Variants in COL23A1 observed in about 807,000 individuals in gnomAD.
COL23A1 encodes the protein collagen type XXIII alpha 1 chain.
A neutral mutation model predicts 99.3 loss-of-function variants in COL23A1; 97 were observed. The observed-to-expected ratio is 0.98, with a 90% CI of 0.83 to 1.16. The LOEUF (loss-of-function observed/expected upper bound fraction) is 1.16. Ranked by LOEUF, COL23A1 falls within the 50% of genes most tolerant of loss-of-function variation. The pLI is 0.00. For synonymous variants in COL23A1, 320 were observed against 308.2 expected, an observed-to-expected ratio of 1.04 and a Z score of -0.40; for missense variants, 762 against 757.4, an observed-to-expected ratio of 1.01 and a Z score of -0.07.
chr5:178,578,099 ACGCC>A, intron 1 of COL23A1, among the ~76,000 whole-genome samples: 1 of 150,320 alleles, frequency 6.7e-6, no homozygotes, highest in African/African-American at 2.5e-5. Context: ...ATGCATGCAC[ACGCC>A]CACATGCACA....
At chr5:178,545,281 C>T (rs1761520273) in intron 2 of COL23A1, among the ~76,000 whole-genome samples, 1 of 152,126 alleles carries the variant, frequency 6.6e-6, no homozygotes, top group African/African-American at 2.4e-5. Flanking sequence ...CAGGCTACGG[C>T]ACTTTGAGCC....
chr5:178,242,649 T>A (rs1467034671), intron 25 of COL23A1, among the ~76,000 whole-genome samples: 2 of 152,208 alleles, frequency 1.3e-5, no homozygotes, highest in Non-Finnish European at 2.9e-5. Context: ...GCAGAGCTGC[T>A]GGCAAGGGGC....
chr5:178,515,596 C>T (rs1313837133), intron 2 of COL23A1, among the ~76,000 whole-genome samples: 1 of 152,194 alleles, frequency 6.6e-6, no homozygotes, highest in Admixed American at 6.5e-5. Flanking sequence ...CCCAGGAAAA[C>T]AGAAGGCCTT....
At chr5:178,249,078 C>T in intron 19 of COL23A1, 39 bp downstream of exon 19, 1 of 1,601,506 alleles carries the variant, frequency 6.2e-7, no homozygotes, top group Non-Finnish European at 8.6e-7. Flanking sequence ...AGGGCTTCCA[C>T]ACAGGAGGCG....
intron 2 of COL23A1, among the ~76,000 whole-genome samples, chr5:178,349,478 C>T (rs1010005703): frequency 6.6e-5 from 10 of 150,816 alleles, no homozygotes; most frequent in Admixed American, 2.6e-4. Context: ...TGGTCCCCTC[C>T]GGCCCTCCGC....
chr5:178,492,682 T>A (rs543590164), intron 2 of COL23A1, among the ~76,000 whole-genome samples: 5 of 151,694 alleles, frequency 3.3e-5, no homozygotes, highest in African/African-American at 1.2e-4. Flanking sequence ...ACATCTCGTA[T>A]GACTCCACGT....
intron 2 of COL23A1, among the ~76,000 whole-genome samples, chr5:178,383,394 C>T (rs1447482301): frequency 6.6e-6 from 1 of 152,230 alleles, no homozygotes; most frequent in East Asian, 1.9e-4. Flanking sequence ...GGACAAGTCC[C>T]CTTAAGGGGT....
At chr5:178,298,105 C>T (rs538250674) in intron 3 of COL23A1, among the ~76,000 whole-genome samples, 1 of 151,146 alleles carries the variant, frequency 6.6e-6, no homozygotes, top group South Asian at 2.1e-4. Flanking sequence ...TAGGATGGTT[C>T]CACTGACTTT....
chr5:178,473,726 A>G (rs937632064), intron 2 of COL23A1, among the ~76,000 whole-genome samples: 7 of 152,104 alleles, frequency 4.6e-5, no homozygotes, highest in African/African-American at 1.7e-4. Context: ...ACCTATGATC[A>G]GCCTTACCCT....
chr5:178,588,181 T>C (rs551481834), intron 1 of COL23A1, among the ~76,000 whole-genome samples: 11 of 152,162 alleles, frequency 7.2e-5, no homozygotes, highest in Non-Finnish European at 1.5e-4. Context: ...TCAAGCACTG[T>C]AGTTCACCCA....
intron 2 of COL23A1, among the ~76,000 whole-genome samples, chr5:178,381,090 T>C (rs1259189038): frequency 1.3e-5 from 2 of 152,232 alleles, no homozygotes; most frequent in African/African-American, 4.8e-5. Context: ...CTAGAGGGTC[T>C]GGCATGGCCA....
chr5:178,553,882 C>T (rs1476446629), intron 2 of COL23A1, among the ~76,000 whole-genome samples: 1 of 152,190 alleles, frequency 6.6e-6, no homozygotes, highest in Non-Finnish European at 1.5e-5. Flanking sequence ...TCTCTGGCAG[C>T]TCCCGACTGA....
chr5:178,360,046 G>C (rs532552821), intron 2 of COL23A1, among the ~76,000 whole-genome samples: 1 of 152,254 alleles, frequency 6.6e-6, no homozygotes, highest in African/African-American at 2.4e-5. Flanking sequence ...GTCTTTGGGG[G>C]CAACTCCCAC....
intron 2 of COL23A1, among the ~76,000 whole-genome samples, chr5:178,476,383 A>G (rs1170808327): frequency 2.0e-5 from 3 of 152,052 alleles, no homozygotes; most frequent in Non-Finnish European, 4.4e-5. Context: ...TCCCCAATAA[A>G]TCAACCTTTA....
intron 2 of COL23A1, among the ~76,000 whole-genome samples, chr5:178,549,729 C>T (rs966137833): frequency 1.3e-5 from 2 of 152,060 alleles, no homozygotes; most frequent in Admixed American, 6.5e-5. Flanking sequence ...GCAGGAGAAT[C>T]GCTTGAATCC....
chr5:178,470,331 CCAGTGTCCTTGGGCAAGCA>C (rs1181857299), intron 2 of COL23A1, among the ~76,000 whole-genome samples: 1 of 152,200 alleles, frequency 6.6e-6, no homozygotes, highest in African/African-American at 2.4e-5. Context: ...TAGCCAGGAG[CCAGTGTCCTTGGGCAAGCA>C]CAGTGCCCAT....
At chr5:178,327,952 T>C (rs1415553499) in intron 2 of COL23A1, among the ~76,000 whole-genome samples, 1 of 152,230 alleles carries the variant, frequency 6.6e-6, no homozygotes, top group Non-Finnish European at 1.5e-5. Flanking sequence ...AGCACCTCGC[T>C]TTCCCAGCTA....
In COL23A1 at chr5:178,473,319, C is replaced by T. The variant is rs536294941; in HGVS notation, c.361+87363G>A. 2.6e-5 allele frequency among the ~76,000 whole-genome samples: 4 copies of T among 151,868 alleles called. No individual in the cohort carries two copies. In the East Asian group the frequency reaches 5.8e-4, roughly 22 times the overall value. ...CCATTTGACTTTATTTTTGTAGAGA[C>T]GGTCTCACTCTGTCACCCAGGCTGG... On this transcript the variant is annotated intron_variant, in intron 2 of 28. Transcript: ENST00000390654.
intron 1 of COL23A1, among the ~76,000 whole-genome samples, chr5:178,575,523 T>C (rs571445339): frequency 1.3e-5 from 2 of 152,332 alleles, no homozygotes; most frequent in East Asian, 3.9e-4. Flanking sequence ...CAGAAGATCA[T>C]GGATTATCAT....
Sources: gnomAD v4.1 joint callset for allele counts (sites outside exome capture counted in the v4.1 genomes callset) on GRCh38, gnomAD v4.1.1 for gene constraint, MANE v1.5 for transcripts, NCBI Gene and HGNC (gene_info 2026-07-23, HGNC 2026-07-21) for gene names.